Variants in RNF150 observed in about 807,000 individuals in gnomAD.
RNF150 encodes ring finger protein 150.
A neutral mutation model predicts 39.3 loss-of-function variants in RNF150; 24 were observed. That is an observed-to-expected ratio of 0.61 (90% CI 0.44 to 0.86). The LOEUF (loss-of-function observed/expected upper bound fraction) is 0.86, where lower values mean the gene tolerates loss of function less well. Ranked by LOEUF, RNF150 falls within the 40% of genes least tolerant of loss-of-function variation. The pLI, the probability that RNF150 is intolerant of heterozygous loss-of-function variation, is 0.00. For missense variants in RNF150, 502 were observed against 587.8 expected, an observed-to-expected ratio of 0.85 and a Z score of 1.51; for synonymous variants, 255 against 227.3, an observed-to-expected ratio of 1.12 and a Z score of -1.10.
At chr4:140,948,232 T>C (rs886290867) in intron 3 of RNF150, among the ~76,000 whole-genome samples, 3 of 152,210 alleles carry the variant, frequency 2.0e-5, no homozygotes, top group Admixed American at 1.3e-4. Context: ...GAAAATAACA[T>C]ACTGACCAAA....
chr4:140,938,220 T>C (rs1731934528), intron 4 of RNF150, among the ~76,000 whole-genome samples: 1 of 152,176 alleles, frequency 6.6e-6, no homozygotes, highest in South Asian at 2.1e-4. Flanking sequence ...GGCTAGTGTC[T>C]TTTTTCAGTG....
intron 1 of RNF150, among the ~76,000 whole-genome samples, chr4:141,023,548 C>A (rs11941584): frequency 0.016 from 1,295 of 78,590 alleles, 23 homozygotes; most frequent in African/African-American, 0.045. Flanking sequence ...GTCTCCGCAC[C>A]TGGCTGAAAT....
chr4:141,108,234 T>A (rs1468146436), intron 1 of RNF150, among the ~76,000 whole-genome samples: 2 of 152,226 alleles, frequency 1.3e-5, no homozygotes, highest in African/African-American at 4.8e-5. Flanking sequence ...CTAGTTCTCA[T>A]AACTGGGTTA....
intron 1 of RNF150, among the ~76,000 whole-genome samples, chr4:141,021,776 T>C (rs574028458): frequency 6.6e-6 from 1 of 152,288 alleles, no homozygotes; most frequent in South Asian, 2.1e-4. Flanking sequence ...TTGTTACAGG[T>C]AGAAGCCCAA....
At chr4:140,911,454 C>A in intron 5 of RNF150, 100 bp from the exon 6 acceptor site, 2 of 979,102 alleles carry the variant, frequency 2.0e-6, no homozygotes, top group Non-Finnish European at 3.0e-6. Flanking sequence ...AAATTAAGTT[C>A]TTTATTGTTT....
intron 1 of RNF150, among the ~76,000 whole-genome samples, chr4:141,015,125 C>T (rs191563933): frequency 6.6e-6 from 1 of 152,246 alleles, no homozygotes; most frequent in African/African-American, 2.4e-5. Context: ...AATAAGGTGA[C>T]TATAAAGGTG....
chr4:141,181,019 G>A (rs1272821921), intron 1 of RNF150, among the ~76,000 whole-genome samples: 1 of 152,178 alleles, frequency 6.6e-6, no homozygotes, highest in African/African-American at 2.4e-5. Flanking sequence ...TAGATAGAAA[G>A]TCCCCAGCTT....
intron 1 of RNF150, among the ~76,000 whole-genome samples, chr4:141,064,052 G>A (rs941828784): frequency 1.3e-5 from 2 of 149,010 alleles, no homozygotes; most frequent in African/African-American, 2.5e-5. Flanking sequence ...GTTAAAAAAC[G>A]GCCTCCTAGT....
At chr4:140,940,298 T>C (rs956556096) in intron 4 of RNF150, among the ~76,000 whole-genome samples, 1 of 152,196 alleles carries the variant, frequency 6.6e-6, no homozygotes, top group Non-Finnish European at 1.5e-5. Context: ...AATTTAACTT[T>C]ATAATCTTAG....
chr4:140,930,911 A>ACGGAAAGGCCG (rs112986931), intron 4 of RNF150, among the ~76,000 whole-genome samples: 3 of 151,870 alleles, frequency 2.0e-5, no homozygotes, highest in Non-Finnish European at 2.9e-5. Context: ...GTTAACGACA[A>ACGGAAAGGCCG]TGGAAAGGTT....
At chr4:141,066,606 T>G (rs1737471368) in intron 1 of RNF150, among the ~76,000 whole-genome samples, 1 of 152,236 alleles carries the variant, frequency 6.6e-6, no homozygotes. Context: ...GTAAGCATTC[T>G]GCTATGAAAT....
chr4:141,203,591 G>A (rs559347328), intron 1 of RNF150, among the ~76,000 whole-genome samples: 2 of 151,962 alleles, frequency 1.3e-5, no homozygotes, highest in East Asian at 3.9e-4. Flanking sequence ...CACCAGGTCT[G>A]GGGAAGTTAT....
chr4:141,062,235 TTC>T (rs1410841190), intron 1 of RNF150, among the ~76,000 whole-genome samples: 20 of 152,258 alleles, frequency 1.3e-4, no homozygotes, highest in African/African-American at 4.8e-4. Context: ...TTACTCTTCC[TTC>T]TGAGTCTTTG....
chr4:141,135,537 CCTAT>C (rs1727016532), upstream of RNF150, among the ~76,000 whole-genome samples: 1 of 152,164 alleles, frequency 6.6e-6, no homozygotes, highest in South Asian at 2.1e-4. Flanking sequence ...CTGATTACAA[CCTAT>C]CTAATAAGGC....
chr4:141,116,696 T>C (rs961666950), intron 1 of RNF150, among the ~76,000 whole-genome samples: 1 of 152,198 alleles, frequency 6.6e-6, no homozygotes, highest in Non-Finnish European at 1.5e-5. Flanking sequence ...CACACATATG[T>C]TTATTTCAGC....
Position 140,953,433 on chromosome 4 carries a change from G to A in RNF150, c.736-4061C>T, listed in dbSNP as rs147760317. Among the ~76,000 whole-genome samples, 38 of 152,216 alleles carry A rather than the reference G, an allele frequency of 2.5e-4. No homozygotes were observed. In the East Asian group the frequency reaches 7.0e-3, roughly 28 times the overall value. On this transcript the variant is annotated intron_variant, in intron 2 of 6. Coordinates refer to ENST00000515673, the MANE Select transcript of RNF150 (RefSeq NM_020724.2). ...GATAAAGGATATGAAAGTCTTCCCT[G>A]GCAAGGGCAGAACAGATGGTCCAGA... is the stretch of plus-strand genomic sequence containing the variant.
At chr4:140,962,105 C>T (rs552152216) in intron 2 of RNF150, among the ~76,000 whole-genome samples, 21 of 151,246 alleles carry the variant, frequency 1.4e-4, no homozygotes, top group East Asian at 1.2e-3. Flanking sequence ...TACACACACG[C>T]GCGCACACAC....
chr4:141,012,367 G>A (rs1305325700), intron 1 of RNF150, among the ~76,000 whole-genome samples: 1 of 152,208 alleles, frequency 6.6e-6, no homozygotes, highest in East Asian at 1.9e-4. Flanking sequence ...ACTCTGGTTA[G>A]GACTGGATAA....
intron 1 of RNF150, among the ~76,000 whole-genome samples, chr4:140,975,074 G>A (rs1219902620): frequency 1.3e-5 from 2 of 151,964 alleles, no homozygotes; most frequent in East Asian, 1.9e-4. Context: ...TGGACAACAC[G>A]GCGAAACCCT....
Sources: allele counts gnomAD v4.1 joint callset (sites outside exome capture counted in the v4.1 genomes callset), GRCh38; gene constraint gnomAD v4.1.1; transcripts MANE v1.5; gene names NCBI Gene and HGNC (gene_info 2026-07-23, HGNC 2026-07-21).